Variants in STK3 observed in about 807,000 individuals in gnomAD.
STK3 encodes serine/threonine-protein kinase 3.
A neutral mutation model predicts 58.0 loss-of-function variants in STK3; 41 were observed. The observed-to-expected ratio is 0.71, with a 90% CI of 0.55 to 0.92. The LOEUF (loss-of-function observed/expected upper bound fraction) is 0.92. STK3 is among the 40% of genes least tolerant of loss of function. The pLI is 0.00. For synonymous variants in STK3, 170 were observed against 191.0 expected (o/e 0.89, Z 0.91); for missense variants, 479 against 602.7 (o/e 0.79, Z 2.15).
At chr8:98,651,723 C>T (rs1267872122) in intron 6 of STK3, 57 of 152,012 alleles carry the variant, frequency 3.7e-4, no homozygotes, top group Admixed American at 3.7e-3. Flanking sequence ...ATGTGATCAA[C>T]TGGAAGAAAG....
At chr8:98,808,200 TAAG>T (rs1834004013) in intron 1 of STK3, among the ~76,000 whole-genome samples, 1 of 152,210 alleles carries the variant, frequency 6.6e-6, no homozygotes, top group South Asian at 2.1e-4. Flanking sequence ...CAATCTTCTC[TAAG>T]AAGTAGCAGA....
At chr8:98,761,894 G>A (rs949134401) in intron 3 of STK3, among the ~76,000 whole-genome samples, 2 of 152,046 alleles carry the variant, frequency 1.3e-5, no homozygotes, top group African/African-American at 4.8e-5. Context: ...AGAAACATGA[G>A]GAAATAGAAC....
chr8:98,847,883 A>T (rs910811492), intron 3 of STK3, among the ~76,000 whole-genome samples: 1 of 152,066 alleles, frequency 6.6e-6, no homozygotes, highest in Admixed American at 6.6e-5. Context: ...GACTTCTCCA[A>T]ATGCACATGA....
In STK3 at chr8:98,872,439, G is replaced by A. The variant is rs940474628; in HGVS notation, c.110+11208C>T. Among the ~76,000 whole-genome samples the A allele has an allele frequency of 5.3e-5, 8 of 152,194 alleles. No individual in the cohort carries two copies. The Middle Eastern group carries it at 0.014, about 259-fold the overall frequency. On this transcript the variant is annotated intron_variant, in intron 3 of 12. Coordinates refer to the STK3 transcript ENST00000523601. ...AATGGTACCAGCTCCTCTTTATACC[G>A]CTGGTAGAATTCTGTTGTGACTCCA...
At chr8:98,656,162 A>G (rs1310544602) in intron 6 of STK3, among the ~76,000 whole-genome samples, 3 of 152,232 alleles carry the variant, frequency 2.0e-5, no homozygotes, top group African/African-American at 7.2e-5. Context: ...GCCATAAAAA[A>G]TGATGAGTTC....
At chr8:98,920,319 A>G (rs1839507861) in intron 1 of STK3, among the ~76,000 whole-genome samples, 1 of 151,886 alleles carries the variant, frequency 6.6e-6, no homozygotes, top group South Asian at 2.1e-4. Context: ...TTTCTCCACC[A>G]GGGGATAGAG....
chr8:98,576,947 C>T (rs548249096), intron 8 of STK3, among the ~76,000 whole-genome samples: 1 of 152,278 alleles, frequency 6.6e-6, no homozygotes, highest in South Asian at 2.1e-4. Context: ...CAGTGAGCTA[C>T]ACCGGGAATA....
chr8:98,883,930 T>C lies in STK3; in HGVS notation c.-78-96A>G, dbSNP rs1837889695. 3 of 533,716 alleles carry C rather than the reference T, an allele frequency of 5.6e-6. No individual in the cohort carries two copies. The South Asian group carries it at 8.2e-5, about 15-fold the overall frequency. The allele number at this position is 533,716 out of a possible 1,614,324, so 33.1% of individuals were successfully genotyped here. A position where few individuals can be genotyped will look rare whatever the true frequency, so the allele number is the denominator to read the frequency against. ...GGTTGCCGGGGATGACTTCAGCATG[T>C]TGGGAACAGGGAGGGGAGAGCAAAG... On this transcript the variant is annotated intron_variant, in intron 1 of 1. Transcript: ENST00000519420.
chr8:98,569,483 T>TAA (rs1293730055), intron 8 of STK3, among the ~76,000 whole-genome samples: 1 of 133,978 alleles, frequency 7.5e-6, no homozygotes, highest in Non-Finnish European at 1.6e-5. Flanking sequence ...GATGAATCAA[T>TAA]AAAAAAAAAA....
chr8:98,786,404 T>C (rs1003485610), intron 1 of STK3, among the ~76,000 whole-genome samples: 2 of 152,122 alleles, frequency 1.3e-5, no homozygotes, highest in African/African-American at 4.8e-5. Context: ...AAAAATTAGC[T>C]GGGCATGATG....
At chr8:98,550,673 G>C (rs1358688346) in intron 8 of STK3, among the ~76,000 whole-genome samples, 1 of 152,020 alleles carries the variant, frequency 6.6e-6, no homozygotes, top group Non-Finnish European at 1.5e-5. Context: ...GTGGTTTACT[G>C]CAGCTAATGC....
At chr8:98,572,151 T>G in intron 8 of STK3, among the ~76,000 whole-genome samples, 1 of 152,222 alleles carries the variant, frequency 6.6e-6, no homozygotes, top group East Asian at 1.9e-4. Flanking sequence ...CCAGCAAACT[T>G]ACAAATTAGT....
At chr8:98,875,106 C>T (rs901161502) in intron 3 of STK3, among the ~76,000 whole-genome samples, 6 of 152,248 alleles carry the variant, frequency 3.9e-5, no homozygotes, top group Admixed American at 3.3e-4. Context: ...ATGGATAGGT[C>T]CCAGATCTTA....
At chr8:98,867,571 GA>G (rs1220648367) in intron 3 of STK3, among the ~76,000 whole-genome samples, 64 of 144,526 alleles carry the variant, frequency 4.4e-4, no homozygotes, top group Middle Eastern at 3.5e-3. Context: ...GGAGGGCATG[GA>G]AAAAAAAAAA....
chr8:98,926,522 T>C (rs1187824434), intron 1 of STK3, among the ~76,000 whole-genome samples: 1 of 151,892 alleles, frequency 6.6e-6, no homozygotes, highest in African/African-American at 2.4e-5. Flanking sequence ...AAAATAATAC[T>C]CTCTTCAAGA....
downstream of STK3, among the ~76,000 whole-genome samples, chr8:98,453,868 G>C (rs1231300870): frequency 6.6e-6 from 1 of 152,014 alleles, no homozygotes; most frequent in East Asian, 1.9e-4. Flanking sequence ...TTAGTAAAAA[G>C]AAAAATAATT....
In STK3 at chr8:98,455,779, T is replaced by G. The variant is rs2131135635; in HGVS notation, c.*63A>C. The G allele has an allele frequency of 1.3e-6, 2 of 1,576,870 alleles. No homozygotes were observed. The highest frequency in any genetic ancestry group is 1.7e-6 in the Non-Finnish European group (2 of 1,158,508). On this transcript the variant is annotated 3_prime_UTR_variant, in exon 11 of 11. Coordinates refer to ENST00000419617, the MANE Select transcript of STK3 (RefSeq NM_006281.4). ...TCTTAGGATTAAAAATATCCAAATATTCCTTCAATTCCTAGTGGTTTCTTG... is the reference window on the plus strand; with the variant it reads ...TCTTAGGATTAAAAATATCCAAATAGTCCTTCAATTCCTAGTGGTTTCTTG...
At chr8:98,497,356 G>T (rs540139844) in intron 10 of STK3, among the ~76,000 whole-genome samples, 17 of 152,170 alleles carry the variant, frequency 1.1e-4, no homozygotes, top group African/African-American at 3.1e-4. Context: ...GGACGAACAT[G>T]TAAGTGTAAA....
At chr8:98,883,906 G>A in intron 1 of STK3, 2 of 557,044 alleles carry the variant, frequency 3.6e-6, no homozygotes, top group Non-Finnish European at 6.4e-6. Context: ...TACAAATAGG[G>A]TTGCCGGGGA....
Sources: allele counts gnomAD v4.1 joint callset (sites outside exome capture counted in the v4.1 genomes callset), GRCh38; gene constraint gnomAD v4.1.1; transcripts MANE v1.5; gene names NCBI Gene and HGNC (gene_info 2026-07-23, HGNC 2026-07-21).